RUBCNL: variants seen among roughly 807,000 people sequenced by gnomAD.
RUBCNL encodes protein associated with UVRAG as autophagy enhancer.
Under a neutral mutation model 69.5 loss-of-function variants are expected in RUBCNL, and 62 were observed. That is an observed-to-expected ratio of 0.89 (90% CI 0.73 to 1.10). The LOEUF (loss-of-function observed/expected upper bound fraction) is 1.10, where lower values mean the gene tolerates loss of function less well. Among genes scored for constraint, RUBCNL ranks in the 50% least tolerant of loss-of-function variants. RUBCNL has a pLI of 0.00. For missense variants in RUBCNL, 768 were observed against 798.1 expected (o/e 0.96, Z 0.45); for synonymous variants, 291 against 303.6 (o/e 0.96, Z 0.43).
intron 1 of RUBCNL, among the ~76,000 whole-genome samples, chr13:46,383,266 G>A (rs1005649317): frequency 2.6e-5 from 4 of 152,048 alleles, no homozygotes; most frequent in African/African-American, 9.7e-5. Context: ...CTGCTACCTG[G>A]ACACCTCTAT....
intron 11 of RUBCNL, among the ~76,000 whole-genome samples, chr13:46,349,662 A>G: frequency 6.6e-6 from 1 of 151,548 alleles, no homozygotes; most frequent in South Asian, 2.1e-4. Context: ...GGGGCTCCAA[A>G]GTGTAAGCTT....
Position 46,372,489 on chromosome 13 carries a change from T to A in RUBCNL, c.-14A>T. 6.3e-7 allele frequency: 1 copy of A among 1,585,052 alleles called. No homozygotes were observed. The highest frequency in any genetic ancestry group is 8.6e-7 in the Non-Finnish European group (1 of 1,165,498). ...TTGTGACACCATCTTTCCAGGCTTG[T>A]GGCTGGTGTGAATCCATTCAAAACA... On this transcript the variant is annotated 5_prime_UTR_variant, in exon 3 of 15. Transcript: ENST00000429979.
At chr13:46,367,150 C>T (rs970084849) in intron 5 of RUBCNL, among the ~76,000 whole-genome samples, 2 of 152,154 alleles carry the variant, frequency 1.3e-5, no homozygotes, top group Admixed American at 6.5e-5. Flanking sequence ...GGGAAGAGCC[C>T]CCAGGTCCCA....
upstream of RUBCNL, chr13:46,387,923 T>C (rs2049284812): frequency 3.3e-6 from 3 of 907,630 alleles, no homozygotes; most frequent in Non-Finnish European, 4.0e-6. Context: ...AAACCTAAGC[T>C]CTGGCCGGGT....
chr13:46,374,063 C>T (rs2048936101), intron 2 of RUBCNL, among the ~76,000 whole-genome samples: 1 of 152,250 alleles, frequency 6.6e-6, no homozygotes, highest in Non-Finnish European at 1.5e-5. Flanking sequence ...TTACCGTCTT[C>T]TCACACCTGG....
intron 9 of RUBCNL, 82 bp from the exon 10 acceptor site, chr13:46,356,578 C>T (rs1049939224): frequency 2.6e-5 from 31 of 1,195,236 alleles, no homozygotes; most frequent in Middle Eastern, 3.9e-4. Flanking sequence ...AAATTGCCAT[C>T]GTGATACTTT....
chr13:46,362,954 A>ATC (rs914009633), intron 6 of RUBCNL, among the ~76,000 whole-genome samples, 161 bp downstream of exon 6: 15 of 68,574 alleles, frequency 2.2e-4, no homozygotes, highest in Non-Finnish European at 3.2e-4. Flanking sequence ...ATATATATAT[A>ATC]TATATATATA....
chr13:46,336,651 A>G lies in RUBCNL; in HGVS notation c.*6734T>C, dbSNP rs2048106923. 6.6e-6 allele frequency among the ~76,000 whole-genome samples: 1 copy of G among 152,156 alleles called. No individual in the cohort carries two copies. The highest frequency in any genetic ancestry group is 1.5e-5 in the Non-Finnish European group (1 of 68,026). ...CTGTGGTAGAGAGGTAGGTGAAGAC[A>G]ATACAGTGACTACTGAATTTAGATA... is the stretch of plus-strand genomic sequence containing the variant. On this transcript the variant is annotated 3_prime_UTR_variant, in exon 15 of 15. Transcript: ENST00000429979.
At chr13:46,377,852 T>C (rs766225415) in intron 2 of RUBCNL, 38 bp downstream of exon 2, 22 of 1,200,942 alleles carry the variant, frequency 1.8e-5, no homozygotes, top group Non-Finnish European at 1.6e-5. Context: ...AGCTGGGCAG[T>C]GGCAGAGAGA....
chr13:46,346,646 TGCCACGCCAAG>T (rs2048252659), intron 12 of RUBCNL, among the ~76,000 whole-genome samples: 1 of 152,162 alleles, frequency 6.6e-6, no homozygotes. Flanking sequence ...CTGAGACCAA[TGCCACGCCAAG>T]GCCATGAAGC....
rs1232326918 is a variant in RUBCNL at position 46,334,699 on chromosome 13, CT to C, written c.*8685del. 2.0e-5 allele frequency among the ~76,000 whole-genome samples: 3 copies of C among 152,114 alleles called. No individual in the cohort carries two copies. Among genetic ancestry groups the C allele is most frequent in the Non-Finnish European group, 2.9e-5 (2 of 68,020 alleles). The stretch of plus-strand genomic sequence containing the variant: ...TTGGAGGCCAGGGGGAAAAAAAACA[CT>C]GAATTTTATACACAAAGTGATAGAC... On this transcript the variant is annotated 3_prime_UTR_variant, in exon 15 of 15. Transcript: ENST00000429979.
At chr13:46,346,852 C>T (rs1460303798) in intron 12 of RUBCNL, among the ~76,000 whole-genome samples, 1 of 152,208 alleles carries the variant, frequency 6.6e-6, no homozygotes, top group Non-Finnish European at 1.5e-5. Context: ...GCAACCTATG[C>T]TTTTTCTACT....
At chr13:46,351,395 C>G (rs1319303622) in intron 10 of RUBCNL, among the ~76,000 whole-genome samples, 2 of 152,208 alleles carry the variant, frequency 1.3e-5, no homozygotes, top group African/African-American at 4.8e-5. Flanking sequence ...AGGGCACTTA[C>G]GTCTAGCACT....
chr13:46,357,370 A>G (rs2048512884), intron 9 of RUBCNL, among the ~76,000 whole-genome samples: 1 of 151,434 alleles, frequency 6.6e-6, no homozygotes, highest in Non-Finnish European at 1.5e-5. Context: ...CTAAAACCAA[A>G]GCAGAAGTCA....
At position 46,343,162 on chromosome 13, in the gene RUBCNL, C is replaced by A; in HGVS notation, c.*223G>T. On this transcript the variant is annotated 3_prime_UTR_variant, in exon 15 of 15. Coordinates refer to ENST00000429979, the MANE Select transcript of RUBCNL (RefSeq NM_025113.5). ...ACCTCTTTAAAAAACCAATAGCAGC[C>A]AAAACAGAACATTTGTAAACAAAAC... is the stretch of plus-strand genomic sequence containing the variant. The A allele has an allele frequency of 1.4e-6, 1 of 696,220 alleles. No homozygotes were observed. The highest frequency in any genetic ancestry group is 2.2e-6 in the Non-Finnish European group (1 of 445,976). 43.1% of individuals were successfully genotyped at this position (696,220 alleles called of 1,614,324 possible).
intron 3 of RUBCNL, among the ~76,000 whole-genome samples, chr13:46,369,460 C>A (rs1802929482): frequency 6.6e-6 from 1 of 152,188 alleles, no homozygotes; most frequent in African/African-American, 2.4e-5. Flanking sequence ...AGCTATCCTT[C>A]CACCTCAGCC....
intron 5 of RUBCNL, among the ~76,000 whole-genome samples, chr13:46,367,216 C>T (rs2048776860): frequency 6.6e-6 from 1 of 152,198 alleles, no homozygotes; most frequent in South Asian, 2.1e-4. Context: ...TGGGTCCCCA[C>T]CTCTGTTCTA....
intron 1 of RUBCNL, among the ~76,000 whole-genome samples, chr13:46,382,725 C>G (rs1288596583): frequency 6.6e-6 from 1 of 151,996 alleles, no homozygotes. Flanking sequence ...TTAGTAGAGA[C>G]TGGGTTTCGC....
chr13:46,372,030 G>C lies in RUBCNL; in HGVS notation c.446C>G (p.Thr149Arg), dbSNP rs772616742. ...GGAGGTGGCCAAAATCCCAGGGCTT[G>C]TGGGCAGAGACACCCGATGAGAGTA... ...PGYSHRVSLP[T>R]SPGILATSPY... is the part of the protein sequence containing the mutation. Residue 149 changes from threonine (T) to arginine (R), a missense_variant, in exon 3 of 15, where the codon ACA becomes AGA. By Grantham distance (71) the Thr-to-Arg change is moderately conservative. Transcript: ENST00000429979. 2.0e-5 allele frequency: 32 copies of C among 1,614,044 alleles called. No individual in the cohort carries two copies. Among genetic ancestry groups the C allele is most frequent in the Non-Finnish European group, 2.7e-5 (32 of 1,179,896 alleles).
Sources: gnomAD v4.1 joint callset for allele counts (sites outside exome capture counted in the v4.1 genomes callset) on GRCh38, gnomAD v4.1.1 for gene constraint, MANE v1.5 for transcripts, NCBI Gene and HGNC (gene_info 2026-07-23, HGNC 2026-07-21) for gene names.